RNF180: variants seen among roughly 807,000 people sequenced by gnomAD.
RNF180 encodes ring finger protein 180, also known as E3 ubiquitin-protein ligase RNF180.
A neutral mutation model predicts 59.2 loss-of-function variants in RNF180; 38 were observed. The observed-to-expected ratio is 0.64, with a 90% CI of 0.50 to 0.84. The LOEUF is 0.84. RNF180 is among the 40% of genes least tolerant of loss of function. RNF180 has a pLI of 0.00. For missense variants in RNF180, 705 were observed against 700.9 expected (o/e 1.01, Z -0.07); for synonymous variants, 262 against 240.3 (o/e 1.09, Z -0.84).
chr5:64,203,255 A>G (rs1218840836), intron 2 of RNF180, among the ~76,000 whole-genome samples: 6 of 152,222 alleles, frequency 3.9e-5, no homozygotes, highest in African/African-American at 1.4e-4. Context: ...AGGAATGCAA[A>G]CAAAATTCTG....
chr5:64,239,653 C>T (rs1227064750), intron 5 of RNF180, among the ~76,000 whole-genome samples: 3 of 151,938 alleles, frequency 2.0e-5, no homozygotes, highest in African/African-American at 4.8e-5. Context: ...TTAAAATCAG[C>T]GATTTTATGA....
Position 64,369,988 on chromosome 5 carries a change from T to A in RNF180, c.*174T>A. ...TATTAATGTTTTTCATGTAACAAACTAAACTTTATTCAAGAGCTAACCTAC... is the reference window on the plus strand; with the variant it reads ...TATTAATGTTTTTCATGTAACAAACAAAACTTTATTCAAGAGCTAACCTAC... On this transcript the variant is annotated 3_prime_UTR_variant, in exon 8 of 8. Coordinates refer to ENST00000389100, the MANE Select transcript of RNF180 (RefSeq NM_001113561.2). 2.2e-6 allele frequency: 1 copy of A among 462,050 alleles called. No homozygotes were observed. The highest frequency in any genetic ancestry group is 3.8e-6 in the Non-Finnish European group (1 of 264,594). 28.6% of individuals were successfully genotyped at this position (462,050 alleles called of 1,614,324 possible).
Position 64,341,538 on chromosome 5 carries a change from C to T in RNF180, c.1579+11132C>T, listed in dbSNP as rs78562821. ...GTTGGGGCCATGGGCAATGTATGTACTCATTGTGAATCATTCTGGGAAACT... is the reference window on the plus strand; with the variant it reads ...GTTGGGGCCATGGGCAATGTATGTATTCATTGTGAATCATTCTGGGAAACT... On this transcript the variant is annotated intron_variant, in intron 7 of 7. Transcript: ENST00000389100. Among the ~76,000 whole-genome samples, 1,106 of 152,260 alleles carry T rather than the reference C, an allele frequency of 7.3e-3. 11 individuals are homozygous for T. Among genetic ancestry groups the T allele is most frequent in the African/African-American group, 0.026 (1,073 of 41,544 alleles).
intron 4 of RNF180, among the ~76,000 whole-genome samples, chr5:64,214,751 C>T (rs994536704): frequency 6.6e-6 from 1 of 152,108 alleles, no homozygotes; most frequent in Non-Finnish European, 1.5e-5. Flanking sequence ...CAATTTTTCG[C>T]AATTCTAATA....
intron 7 of RNF180, among the ~76,000 whole-genome samples, chr5:64,356,702 A>G (rs1333985002): frequency 6.6e-6 from 1 of 151,906 alleles, no homozygotes; most frequent in Admixed American, 6.6e-5. Flanking sequence ...TACATACTGC[A>G]ATATGGATGA....
chr5:64,352,908 A>T (rs1233528221), intron 7 of RNF180, among the ~76,000 whole-genome samples: 1 of 151,948 alleles, frequency 6.6e-6, no homozygotes, highest in African/African-American at 2.4e-5. Flanking sequence ...AATTAAACTC[A>T]AAGCTACGGC....
At chr5:64,167,862 G>A (rs937100037) in intron 1 of RNF180, among the ~76,000 whole-genome samples, 3 of 152,156 alleles carry the variant, frequency 2.0e-5, no homozygotes, top group African/African-American at 7.2e-5. Context: ...AAAGAATGGT[G>A]ATGTGTCCTT....
chr5:64,227,525 C>T (rs983050528), intron 5 of RNF180, among the ~76,000 whole-genome samples: 1 of 152,242 alleles, frequency 6.6e-6, no homozygotes, highest in Non-Finnish European at 1.5e-5. Flanking sequence ...CATGCCCTGA[C>T]AGTGGGGCCT....
chr5:64,182,266 C>T (rs1310724824), intron 1 of RNF180, among the ~76,000 whole-genome samples: 1 of 152,100 alleles, frequency 6.6e-6, no homozygotes, highest in African/African-American at 2.4e-5. Context: ...CCTGGGATTA[C>T]AGCTACTTTC....
chr5:64,331,244 G>A (rs1452351861), intron 7 of RNF180, among the ~76,000 whole-genome samples: 1 of 152,210 alleles, frequency 6.6e-6, no homozygotes, highest in Admixed American at 6.5e-5. Flanking sequence ...ACCGTGGATG[G>A]CAGGTTGATG....
intron 5 of RNF180, among the ~76,000 whole-genome samples, chr5:64,234,968 A>G (rs1394546892): frequency 1.3e-5 from 2 of 152,142 alleles, no homozygotes; most frequent in African/African-American, 2.4e-5. Flanking sequence ...GGGCTATGCC[A>G]TAATGTTAAG....
At chr5:64,344,005 T>C (rs1268861283) in intron 7 of RNF180, among the ~76,000 whole-genome samples, 2 of 151,628 alleles carry the variant, frequency 1.3e-5, no homozygotes, top group Non-Finnish European at 2.9e-5. Context: ...AATCTCAGCA[T>C]AGCCTAATTA....
rs575609402 is a variant in RNF180, at chr5:64,225,986, G to T, written c.1227+8590G>T. Among the ~76,000 whole-genome samples, 3 of 141,434 alleles carry T rather than the reference G, an allele frequency of 2.1e-5. No homozygotes were observed. The Admixed American group carries it at 2.1e-4, about 10-fold the overall frequency. 92.8% of individuals were successfully genotyped at this position (141,434 alleles called of 152,430 possible). A position where few individuals can be genotyped will look rare whatever the true frequency, so the allele number is the denominator to read the frequency against. ...AAGTGAGGAGCGCCTCTGCCCGGCCGCCCCTTCTGGGAAGTGAGGAGCGCC... is the reference window on the plus strand; with the variant it reads ...AAGTGAGGAGCGCCTCTGCCCGGCCTCCCCTTCTGGGAAGTGAGGAGCGCC... On this transcript the variant is annotated intron_variant, in intron 5 of 7. Coordinates refer to ENST00000389100, the MANE Select transcript of RNF180 (RefSeq NM_001113561.2).
chr5:64,346,970 A>C (rs1745583641), intron 7 of RNF180, among the ~76,000 whole-genome samples: 1 of 152,248 alleles, frequency 6.6e-6, no homozygotes, highest in Admixed American at 6.5e-5. Context: ...ATGATGAAGA[A>C]TGAATTAATC....
At chr5:64,195,878 C>T (rs933416410) in intron 1 of RNF180, among the ~76,000 whole-genome samples, 1 of 152,174 alleles carries the variant, frequency 6.6e-6, no homozygotes, top group Admixed American at 6.5e-5. Flanking sequence ...CCCACCATCT[C>T]AGATTGGCAC....
At chr5:64,362,142 C>T (rs890876683) in intron 7 of RNF180, among the ~76,000 whole-genome samples, 1 of 151,178 alleles carries the variant, frequency 6.6e-6, no homozygotes, top group Non-Finnish European at 1.5e-5. Context: ...TATATAGGTA[C>T]ACTCATGTCA....
chr5:64,237,479 G>A (rs1742512321), intron 5 of RNF180, among the ~76,000 whole-genome samples: 1 of 152,148 alleles, frequency 6.6e-6, no homozygotes, highest in Non-Finnish European at 1.5e-5. Context: ...TAGGCTCATA[G>A]GTGGGAGGGA....
intron 1 of RNF180, among the ~76,000 whole-genome samples, chr5:64,192,903 GTATATA>G (rs70983610): frequency 0.088 from 8,246 of 93,800 alleles, 484 homozygotes; most frequent in Non-Finnish European, 0.11. Flanking sequence ...AGTGTGGCAT[GTATATA>G]TATATATATA....
intron 5 of RNF180, among the ~76,000 whole-genome samples, chr5:64,322,826 T>C (rs938244419): frequency 4.6e-5 from 7 of 152,034 alleles, no homozygotes; most frequent in African/African-American, 1.7e-4. Flanking sequence ...ACAATGGACT[T>C]TGGGGACCCA....
Sources: allele counts gnomAD v4.1 joint callset (sites outside exome capture counted in the v4.1 genomes callset), GRCh38; gene constraint gnomAD v4.1.1; transcripts MANE v1.5; gene names NCBI Gene and HGNC (gene_info 2026-07-23, HGNC 2026-07-21).